The following IMPG2 variants were observed in gnomAD, a reference collection of about 807,000 sequenced individuals.
IMPG2 encodes the protein IPM 200.
Under a neutral mutation model 129.2 loss-of-function variants are expected in IMPG2, and 91 were observed. The ratio of observed to expected loss-of-function variants is 0.70; its 90% confidence interval spans 0.59 to 0.84. The LOEUF is 0.84. Ranked by LOEUF, IMPG2 falls within the 40% of genes least tolerant of loss-of-function variation. The pLI is 0.00. For missense variants in IMPG2, 1,430 were observed against 1,461.7 expected (o/e 0.98, Z 0.35); for synonymous variants, 510 against 517.7 (o/e 0.99, Z 0.20).
intron 4 of IMPG2, among the ~76,000 whole-genome samples, chr3:101,284,887 AT>A (rs1197809637): frequency 2.6e-5 from 4 of 152,198 alleles, no homozygotes; most frequent in Non-Finnish European, 5.9e-5. Context: ...TGTAAAAAAA[AT>A]AGAACCATTA....
rs1706230439 is a variant in IMPG2, at chr3:101,226,890, A to G, written c.*79T>C. On this transcript the variant is annotated 3_prime_UTR_variant, in exon 19 of 19. Transcript: ENST00000193391. ...CTTCTTCCAACAGTGTTTAAAATCC[A>G]GGTTAATTATATGACATAAGTAACA... 3 of 1,417,238 alleles carry G rather than the reference A, an allele frequency of 2.1e-6. No homozygotes were observed. Among genetic ancestry groups the G allele is most frequent in the Non-Finnish European group, 2.0e-6 (2 of 1,005,548 alleles). The allele number at this position is 1,417,238 out of a possible 1,614,324, so 87.8% of individuals were successfully genotyped here.
intron 4 of IMPG2, among the ~76,000 whole-genome samples, chr3:101,283,210 A>T (rs1706911763): frequency 6.6e-6 from 1 of 151,982 alleles, no homozygotes; most frequent in Non-Finnish European, 1.5e-5. Context: ...ATTTTTGTAG[A>T]GACGGGATTT....
At chr3:101,288,627 A>C (rs1391574648) in intron 4 of IMPG2, among the ~76,000 whole-genome samples, 1 of 152,154 alleles carries the variant, frequency 6.6e-6, no homozygotes, top group Non-Finnish European at 1.5e-5. Context: ...GCATGTTCTC[A>C]CTTATAAGTG....
At chr3:101,251,154 G>A (rs879152820) in intron 11 of IMPG2, among the ~76,000 whole-genome samples, 3 of 152,122 alleles carry the variant, frequency 2.0e-5, no homozygotes, top group East Asian at 1.9e-4. Flanking sequence ...CAGACAGAGC[G>A]CATAACCTGG....
chr3:101,308,202 A>G (rs1707224366), intron 2 of IMPG2, among the ~76,000 whole-genome samples: 1 of 152,114 alleles, frequency 6.6e-6, no homozygotes, highest in Admixed American at 6.5e-5. Context: ...TTGTTGGTTG[A>G]TCCACCATTC....
chr3:101,309,777 C>T (rs1011543646), intron 2 of IMPG2, among the ~76,000 whole-genome samples: 1 of 152,110 alleles, frequency 6.6e-6, no homozygotes, highest in African/African-American at 2.4e-5. Context: ...CAACTTTATT[C>T]ATAATAACTT....
At chr3:101,290,955 T>G (rs148995632) in intron 4 of IMPG2, among the ~76,000 whole-genome samples, 1 of 152,180 alleles carries the variant, frequency 6.6e-6, no homozygotes, top group African/African-American at 2.4e-5. Context: ...TCAAAATCCC[T>G]TACCTTCTGT....
At chr3:101,237,696 C>T (rs940759388) in intron 14 of IMPG2, among the ~76,000 whole-genome samples, 2 of 152,074 alleles carry the variant, frequency 1.3e-5, no homozygotes, top group African/African-American at 4.8e-5. Context: ...GACGTCCAGA[C>T]ACAGAAACTC....
chr3:101,232,164 C>T (rs1179773935), intron 15 of IMPG2, among the ~76,000 whole-genome samples: 1 of 152,102 alleles, frequency 6.6e-6, no homozygotes, highest in Non-Finnish European at 1.5e-5. Flanking sequence ...TTACCATCAC[C>T]ATTAAAAACT....
chr3:101,256,189 G>GAAAGAAAGAAAGAAAGAAAGAAAGA (rs1301842698), intron 10 of IMPG2, among the ~76,000 whole-genome samples: 3 of 147,210 alleles, frequency 2.0e-5, no homozygotes, highest in African/African-American at 7.6e-5. Context: ...AAGAAAGAAA[G>GAAAGAAAGAAAGAAAGAAAGAAAGA]AAAGAAAGAA....
At chr3:101,262,711 C>T (rs140876642) in intron 9 of IMPG2, among the ~76,000 whole-genome samples, 1,692 of 150,834 alleles carry the variant, frequency 0.011, 35 homozygotes, top group African/African-American at 0.039. Context: ...GAATTATAAC[C>T]TTGAAGTTAA....
At position 101,320,563 on chromosome 3, in the gene IMPG2, T is replaced by TC. The variant is rs2058806384; in HGVS notation, c.-192dup. 3.5e-6 allele frequency: 2 copies of TC among 578,640 alleles called. No homozygotes were observed. The highest frequency in any genetic ancestry group is 3.1e-5 in the Admixed American group (1 of 32,672). 35.8% of individuals were successfully genotyped at this position (578,640 alleles called of 1,614,324 possible). A position where few individuals can be genotyped will look rare whatever the true frequency, so the allele number is the denominator to read the frequency against. The stretch of plus-strand genomic sequence containing the variant: ...AATGGTTGTCCTTTCAAAGTAGCTC[T>TC]CACTTCTTTTCTGAAATAACCAGCA... On this transcript the variant is annotated 5_prime_UTR_variant, in exon 1 of 19. Transcript: ENST00000193391.
chr3:101,229,243 T>G, intron 17 of IMPG2, 137 bp downstream of exon 17: 6 of 762,370 alleles, frequency 7.9e-6, no homozygotes, highest in Non-Finnish European at 1.3e-5. Flanking sequence ...AACCAATTAC[T>G]AAATATTTTT....
chr3:101,232,343 T>C (rs1254090251), intron 15 of IMPG2, among the ~76,000 whole-genome samples: 1 of 152,086 alleles, frequency 6.6e-6, no homozygotes, highest in African/African-American at 2.4e-5. Flanking sequence ...GTTCAAGCAA[T>C]TCTCCTGCCT....
At chr3:101,229,322 TCC>T in intron 17 of IMPG2, 56 bp downstream of exon 17, 1 of 415,600 alleles carries the variant, frequency 2.4e-6, no homozygotes, top group South Asian at 2.1e-5. Flanking sequence ...CACCCCCTGC[TCC>T]CCCACACACA....
chr3:101,299,196 G>C (rs1040350709), intron 3 of IMPG2, among the ~76,000 whole-genome samples: 1 of 152,088 alleles, frequency 6.6e-6, no homozygotes, highest in African/African-American at 2.4e-5. Flanking sequence ...ACTGATTCTT[G>C]TGTATTTTTC....
Position 101,244,111 on chromosome 3 carries a change from A to T in IMPG2, c.2220T>A (p.Asp740Glu). The change falls in exon 13 of 19, where the codon GAT becomes GAA. Residue 740 changes from aspartate (D) to glutamate (E), a missense_variant. Coordinates refer to ENST00000193391, the MANE Select transcript of IMPG2 (RefSeq NM_016247.4). ...SASTDKSDQA[D>E]AILREDMEQI... is the part of the protein sequence containing the mutation. Reference sequence around the variant, plus strand: ...GTTCCATATCCTCCCTTAGGATGGCATCTGCCTGATCTGATTTATCAGTAG... The same window carrying T: ...GTTCCATATCCTCCCTTAGGATGGCTTCTGCCTGATCTGATTTATCAGTAG... 6.2e-7 allele frequency: 1 copy of T among 1,614,086 alleles called. No homozygotes were observed. The highest frequency in any genetic ancestry group is 2.2e-5 in the East Asian group (1 of 44,872).
chr3:101,296,261 T>A lies in IMPG2; in HGVS notation c.502-4751A>T, dbSNP rs550231258. ...CCATCAATACCTAGTTTGTTGAGAGTTTTTAGCAGGAAGGGCCGTTGAATT... is the reference window on the plus strand; with the variant it reads ...CCATCAATACCTAGTTTGTTGAGAGATTTTAGCAGGAAGGGCCGTTGAATT... On this transcript the variant is annotated intron_variant, in intron 3 of 18. Coordinates refer to ENST00000193391, the MANE Select transcript of IMPG2 (RefSeq NM_016247.4). Among the ~76,000 whole-genome samples the A allele has an allele frequency of 3.6e-4, 55 of 152,208 alleles. 2 individuals carry two copies. In the South Asian group the frequency reaches 0.011, roughly 32 times the overall value.
intron 9 of IMPG2, among the ~76,000 whole-genome samples, chr3:101,262,653 C>A (rs763559797): frequency 2.0e-5 from 3 of 150,920 alleles, no homozygotes; most frequent in Non-Finnish European, 4.4e-5. Flanking sequence ...AAAGAATATA[C>A]AAAACAACTA....
Sources: gnomAD v4.1 joint callset for allele counts (sites outside exome capture counted in the v4.1 genomes callset) on GRCh38, gnomAD v4.1.1 for gene constraint, MANE v1.5 for transcripts, NCBI Gene and HGNC (gene_info 2026-07-23, HGNC 2026-07-21) for gene names.